CDH13: variants seen among roughly 807,000 people sequenced by gnomAD.
The protein encoded by CDH13 is cadherin 13, also known as cadherin-13.
Under a neutral mutation model 63.8 loss-of-function variants are expected in CDH13, and 24 were observed. The observed-to-expected ratio is 0.38, with a 90% CI of 0.27 to 0.53. CDH13 has a LOEUF of 0.53. Among genes scored for constraint, CDH13 ranks in the 20% least tolerant of loss-of-function variants. The pLI, the probability that CDH13 is intolerant of heterozygous loss-of-function variation, is 0.85. For synonymous variants in CDH13, 503 were observed against 355.3 expected (o/e 1.42, Z -4.67); for missense variants, 1,049 against 903.1 (o/e 1.16, Z -2.07).
intron 2 of CDH13, among the ~76,000 whole-genome samples, chr16:82,906,380 C>T (rs2041648481): frequency 6.6e-6 from 1 of 152,182 alleles, no homozygotes; most frequent in South Asian, 2.1e-4. Flanking sequence ...TTTGTTACCA[C>T]ATCAAAGCTC....
At chr16:82,741,416 T>A (rs996517545) in intron 1 of CDH13, among the ~76,000 whole-genome samples, 1 of 152,234 alleles carries the variant, frequency 6.6e-6, no homozygotes, top group Non-Finnish European at 1.5e-5. Flanking sequence ...CCCTGCAGGC[T>A]TTTCTGTTTC....
intron 1 of CDH13, among the ~76,000 whole-genome samples, chr16:82,806,283 T>C (rs2037136623): frequency 6.6e-6 from 1 of 152,184 alleles, no homozygotes; most frequent in African/African-American, 2.4e-5. Context: ...GCTATTTGTC[T>C]CCTCTTCTTT....
intron 8 of CDH13, 24 bp downstream of exon 8, chr16:83,602,618 A>T (rs1208186637): frequency 1.2e-6 from 2 of 1,613,016 alleles, no homozygotes; most frequent in Non-Finnish European, 1.7e-6. Flanking sequence ...CCAAACACCA[A>T]CCACCACTGT....
intron 2 of CDH13, among the ~76,000 whole-genome samples, chr16:82,999,774 G>A (rs769790506): frequency 2.1e-4 from 32 of 152,144 alleles, no homozygotes; most frequent in Non-Finnish European, 3.5e-4. Flanking sequence ...CATATTTAAC[G>A]TTTCCATATA....
chr16:82,710,552 A>AAAAAT (rs60196638), intron 1 of CDH13, among the ~76,000 whole-genome samples: 91 of 63,778 alleles, frequency 1.4e-3, no homozygotes, highest in African/African-American at 3.5e-3. Flanking sequence ...AAAAAAAAAA[A>AAAAAT]ATATATATAT....
chr16:82,838,198 G>A (rs1024437511), intron 1 of CDH13, among the ~76,000 whole-genome samples: 1 of 152,200 alleles, frequency 6.6e-6, no homozygotes, highest in Non-Finnish European at 1.5e-5. Context: ...TCCCATCACT[G>A]AGTTCTAATT....
intron 6 of CDH13, among the ~76,000 whole-genome samples, chr16:83,477,639 A>T (rs182629694): frequency 3.8e-4 from 58 of 152,298 alleles, no homozygotes; most frequent in African/African-American, 1.4e-3. Flanking sequence ...TGGGAGGAGG[A>T]AGGGCAAAAT....
At chr16:82,817,118 C>A (rs1055609309) in intron 1 of CDH13, among the ~76,000 whole-genome samples, 1 of 152,108 alleles carries the variant, frequency 6.6e-6, no homozygotes, top group African/African-American at 2.4e-5. Flanking sequence ...ACCCTGAAGT[C>A]CCATTCTGTA....
intron 1 of CDH13, among the ~76,000 whole-genome samples, chr16:82,780,653 G>T (rs1251011216): frequency 6.6e-6 from 1 of 152,164 alleles, no homozygotes; most frequent in African/African-American, 2.4e-5. Flanking sequence ...AAGATTCATG[G>T]TTTAATAAAC....
At chr16:83,724,626 A>T (rs1910159512) in intron 10 of CDH13, among the ~76,000 whole-genome samples, 1 of 152,158 alleles carries the variant, frequency 6.6e-6, no homozygotes, top group Non-Finnish European at 1.5e-5. Context: ...TCTTACTTGA[A>T]GCCCCCTGTG....
intron 3 of CDH13, among the ~76,000 whole-genome samples, chr16:83,120,432 A>T (rs1280167399): frequency 1.3e-5 from 2 of 152,152 alleles, no homozygotes; most frequent in Admixed American, 6.5e-5. Context: ...ACTCTATGCA[A>T]GGTTCATTAT....
chr16:83,008,143 A>C (rs1469931996), intron 2 of CDH13, among the ~76,000 whole-genome samples: 5 of 152,196 alleles, frequency 3.3e-5, no homozygotes, highest in Admixed American at 2.6e-4. Flanking sequence ...TTAAGCTTAC[A>C]TTCTCGTGAA....
intron 2 of CDH13, among the ~76,000 whole-genome samples, chr16:82,900,431 G>GAAT (rs1555538060): frequency 6.6e-6 from 1 of 151,980 alleles, no homozygotes; most frequent in East Asian, 1.9e-4. Flanking sequence ...AGAAGTACAG[G>GAAT]GATGATACAG....
intron 3 of CDH13, among the ~76,000 whole-genome samples, chr16:83,078,181 G>T (rs76914546): frequency 1.3e-5 from 2 of 152,110 alleles, no homozygotes; most frequent in Non-Finnish European, 2.9e-5. Context: ...AGAAGTTGGG[G>T]CTTCCTGTCA....
At chr16:82,681,298 A>G (rs182998639) in intron 1 of CDH13, among the ~76,000 whole-genome samples, 125 of 152,334 alleles carry the variant, frequency 8.2e-4, no homozygotes, top group Middle Eastern at 6.8e-3. Flanking sequence ...CAGAATAGGC[A>G]ATTCCATGGA....
chr16:83,360,053 T>G (rs2091133182), intron 6 of CDH13, among the ~76,000 whole-genome samples: 1 of 152,252 alleles, frequency 6.6e-6, no homozygotes, highest in African/African-American at 2.4e-5. Flanking sequence ...CTGCCTGGTT[T>G]ATTTTACTTA....
At chr16:83,117,110 T>A (rs1285211381) in intron 3 of CDH13, among the ~76,000 whole-genome samples, 1 of 152,242 alleles carries the variant, frequency 6.6e-6, no homozygotes, top group African/African-American at 2.4e-5. Flanking sequence ...GAGTCTATTC[T>A]CCACAAAGCA....
At chr16:83,072,218 T>C (rs569000401) in intron 3 of CDH13, among the ~76,000 whole-genome samples, 22 of 152,286 alleles carry the variant, frequency 1.4e-4, no homozygotes, top group Middle Eastern at 3.4e-3. Flanking sequence ...CCTTGCTCTG[T>C]ATTCAGTTTA....
At chr16:83,066,425 G>A (rs1192533501) in intron 3 of CDH13, among the ~76,000 whole-genome samples, 4 of 152,176 alleles carry the variant, frequency 2.6e-5, no homozygotes, top group Non-Finnish European at 5.9e-5. Context: ...CAACGAGTTG[G>A]TTGCCCAACC....
Sources: gnomAD v4.1 joint callset for allele counts (sites outside exome capture counted in the v4.1 genomes callset) on GRCh38, gnomAD v4.1.1 for gene constraint, MANE v1.5 for transcripts, NCBI Gene and HGNC (gene_info 2026-07-23, HGNC 2026-07-21) for gene names.